The following DLG2 variants were observed in gnomAD, a reference collection of about 807,000 sequenced individuals.
DLG2 encodes the protein disks large homolog 2.
Under a neutral mutation model 132.5 loss-of-function variants are expected in DLG2, and 45 were observed. The observed-to-expected ratio is 0.34, with a 90% CI of 0.27 to 0.44. DLG2 has a LOEUF of 0.44. DLG2 is among the 20% of genes least tolerant of loss of function. The pLI is 1.00. For synonymous variants in DLG2, 424 were observed against 419.6 expected, an observed-to-expected ratio of 1.01 and a Z score of -0.13; for missense variants, 1,045 against 1,196.9, an observed-to-expected ratio of 0.87 and a Z score of 1.87.
At chr11:84,819,546 G>A (rs979932850) in intron 6 of DLG2, among the ~76,000 whole-genome samples, 2 of 151,340 alleles carry the variant, frequency 1.3e-5, no homozygotes, top group East Asian at 3.9e-4. Flanking sequence ...CTTAGACAAT[G>A]GAGATAACCT....
rs765486141 is a variant in DLG2, at chr11:84,097,973, ACTCT to A, written c.749+946_749+949del. ...AAGTAGCCCAGCTCAAGCAGCTACT[ACTCT>A]CTATCACTGAGAAGTACCTGGCTGC... On this transcript the variant is annotated intron_variant, in intron 10 of 27. Transcript: ENST00000376104. Among the ~76,000 whole-genome samples, 175 of 148,106 alleles carry A rather than the reference ACTCT, an allele frequency of 1.2e-3. 1 individual carries two copies. The highest frequency in any genetic ancestry group is 2.1e-4 in the Non-Finnish European group (14 of 67,400).
chr11:83,699,496 AC>A (rs2082492223), intron 18 of DLG2, among the ~76,000 whole-genome samples: 1 of 151,162 alleles, frequency 6.6e-6, no homozygotes, highest in Non-Finnish European at 1.5e-5. Flanking sequence ...GGAGATCGAG[AC>A]CATCCTGGCT....
intron 6 of DLG2, among the ~76,000 whole-genome samples, chr11:84,826,035 A>G (rs1023640647): frequency 2.0e-5 from 3 of 151,664 alleles, no homozygotes; most frequent in African/African-American, 7.3e-5. Flanking sequence ...GCTCCTCACC[A>G]TGCATTCTAT....
intron 15 of DLG2, among the ~76,000 whole-genome samples, chr11:83,914,550 C>G (rs1166238625): frequency 6.6e-6 from 1 of 152,114 alleles, no homozygotes; most frequent in Non-Finnish European, 1.5e-5. Flanking sequence ...TACCATGGGC[C>G]AAATGCTTTT....
intron 3 of DLG2, among the ~76,000 whole-genome samples, chr11:85,479,789 G>A (rs922786850): frequency 6.6e-6 from 1 of 152,154 alleles, no homozygotes; most frequent in African/African-American, 2.4e-5. Context: ...TTTCTCCTGA[G>A]AGTTGTGAGG....
At chr11:85,534,911 TC>T (rs1337382438) in intron 3 of DLG2, among the ~76,000 whole-genome samples, 2 of 152,236 alleles carry the variant, frequency 1.3e-5, no homozygotes, top group Admixed American at 1.3e-4. Context: ...TCAGAAATCT[TC>T]ACACTGTTTT....
At chr11:83,602,809 G>T (rs1030260182) in intron 19 of DLG2, among the ~76,000 whole-genome samples, 2 of 152,146 alleles carry the variant, frequency 1.3e-5, no homozygotes, top group Non-Finnish European at 2.9e-5. Context: ...ATGTGATATT[G>T]CTGACAAAAT....
chr11:83,898,264 C>T (rs1452465303), intron 15 of DLG2, among the ~76,000 whole-genome samples: 1 of 151,900 alleles, frequency 6.6e-6, no homozygotes, highest in Non-Finnish European at 1.5e-5. Flanking sequence ...TATGTGTATA[C>T]CTATATATTG....
intron 4 of DLG2, among the ~76,000 whole-genome samples, chr11:85,194,979 A>C (rs1460319511): frequency 1.3e-5 from 2 of 152,222 alleles, no homozygotes; most frequent in East Asian, 3.8e-4. Context: ...GTTCTATGTC[A>C]GCCTGGCTCT....
intron 19 of DLG2, among the ~76,000 whole-genome samples, chr11:83,575,292 A>G (rs1031903442): frequency 9.2e-5 from 14 of 152,298 alleles, no homozygotes; most frequent in African/African-American, 3.4e-4. Flanking sequence ...GAAACAAATG[A>G]GGTAACTGCC....
At chr11:85,340,345 T>A (rs900645443) in intron 3 of DLG2, among the ~76,000 whole-genome samples, 1 of 152,170 alleles carries the variant, frequency 6.6e-6, no homozygotes, top group East Asian at 1.9e-4. Context: ...TGCAGGGACA[T>A]GGATGAAGCT....
intron 6 of DLG2, among the ~76,000 whole-genome samples, chr11:85,097,810 C>G (rs2070136058): frequency 6.6e-6 from 1 of 152,152 alleles, no homozygotes; most frequent in African/African-American, 2.4e-5. Context: ...CCAAGAAAGT[C>G]CCTAGACCTG....
chr11:84,667,733 G>C (rs529531511), intron 6 of DLG2, among the ~76,000 whole-genome samples: 5 of 151,686 alleles, frequency 3.3e-5, no homozygotes, highest in African/African-American at 1.2e-4. Context: ...TCCTGACCTC[G>C]AGTGATCCGC....
intron 4 of DLG2, among the ~76,000 whole-genome samples, chr11:85,229,964 C>T (rs1008789259): frequency 6.6e-6 from 1 of 151,954 alleles, no homozygotes; most frequent in Non-Finnish European, 1.5e-5. Context: ...GAGCATCACA[C>T]ATCGGGGCCT....
intron 6 of DLG2, among the ~76,000 whole-genome samples, chr11:84,711,514 C>T (rs2060449735): frequency 6.7e-6 from 1 of 149,318 alleles, no homozygotes; most frequent in Admixed American, 6.8e-5. Context: ...AGCCAACATG[C>T]AGTTCCAATT....
chr11:84,415,779 C>A (rs1022020014), intron 7 of DLG2, among the ~76,000 whole-genome samples: 17 of 152,194 alleles, frequency 1.1e-4, no homozygotes, highest in African/African-American at 3.4e-4. Context: ...GTTGTGTGAC[C>A]TTTTACAGGT....
At chr11:83,934,772 G>C (rs1385922869) in intron 14 of DLG2, among the ~76,000 whole-genome samples, 2 of 152,042 alleles carry the variant, frequency 1.3e-5, no homozygotes, top group African/African-American at 4.8e-5. Context: ...TAGAATATTA[G>C]ACCCTGGAGG....
intron 18 of DLG2, among the ~76,000 whole-genome samples, chr11:83,649,916 T>C (rs2069568435): frequency 6.6e-6 from 1 of 152,252 alleles, no homozygotes; most frequent in South Asian, 2.1e-4. Flanking sequence ...GTGCTCTTGC[T>C]TTGGCTTCCT....
At chr11:84,434,133 A>G (rs2098993440) in intron 7 of DLG2, among the ~76,000 whole-genome samples, 3 of 151,920 alleles carry the variant, frequency 2.0e-5, no homozygotes, top group African/African-American at 7.3e-5. Flanking sequence ...AAAAAAAAAA[A>G]AAGAATAATA....
Sources: gnomAD v4.1 joint callset for allele counts (sites outside exome capture counted in the v4.1 genomes callset) on GRCh38, gnomAD v4.1.1 for gene constraint, MANE v1.5 for transcripts, NCBI Gene and HGNC (gene_info 2026-07-23, HGNC 2026-07-21) for gene names.